Variants in WBP2NL observed in about 807,000 individuals in gnomAD.
WBP2NL encodes postacrosomal sheath WW domain-binding protein.
Under a neutral mutation model 23.3 loss-of-function variants are expected in WBP2NL, and 27 were observed. The ratio of observed to expected loss-of-function variants is 1.16; its 90% CI spans 0.85 to 1.60. The LOEUF (loss-of-function observed/expected upper bound fraction) is 1.60, where lower values mean the gene tolerates loss of function less well. Among genes scored for constraint, WBP2NL ranks in the 40% most tolerant of loss-of-function variants. The probability of loss-of-function intolerance (pLI) is 0.00; values close to 1 mark genes in which losing one functional copy is unlikely to be tolerated. For synonymous variants in WBP2NL, 151 were observed against 145.9 expected, an observed-to-expected ratio of 1.03 and a Z score of -0.25; for missense variants, 370 against 389.5, an observed-to-expected ratio of 0.95 and a Z score of 0.42.
downstream of WBP2NL, chr22:42,031,885 AG>A: frequency 6.6e-6 from 1 of 152,160 alleles, no homozygotes; most frequent in Middle Eastern, 3.4e-3. Context: ...TAGTGGAGAC[AG>A]GGTTTCACCA....
In WBP2NL at chr22:42,028,217, G is replaced by A. The variant is rs1324763719; in HGVS notation, c.*1036G>A. 1 of 396,974 alleles carries A rather than the reference G, an allele frequency of 2.5e-6. No homozygotes were observed. Among genetic ancestry groups the A allele is most frequent in the Non-Finnish European group, 4.4e-6 (1 of 225,484 alleles). The allele number at this position is 396,974 out of a possible 1,614,324, so 24.6% of individuals were successfully genotyped here. On this transcript the variant is annotated 3_prime_UTR_variant, in exon 6 of 6. Transcript: ENST00000328823. Reference sequence around the variant, plus strand: ...ACGTATGCAGAAATTTCTAAGACTTGTTGATAAGGAGAAAAGCAAGTTGTA... The same window carrying A: ...ACGTATGCAGAAATTTCTAAGACTTATTGATAAGGAGAAAAGCAAGTTGTA...
chr22:42,032,809 T>A (rs1333547161), downstream of WBP2NL: 1 of 435,326 alleles, frequency 2.3e-6, no homozygotes, highest in Non-Finnish European at 4.7e-6. Context: ...GGAAAGGGTC[T>A]ATACAGATGT....
rs186375821 is a variant in WBP2NL at position 42,004,982 on chromosome 22, G to A, written c.62+6102G>A. On this transcript the variant is annotated intron_variant, in intron 1 of 5. Coordinates refer to ENST00000328823, the MANE Select transcript of WBP2NL (RefSeq NM_152613.3). Reference sequence around the variant, plus strand: ...GCCTGTCATCCCAGCACTTTGGGAGGCCAAGGTGGGCAGATCACAAAGTCA... The same window carrying A: ...GCCTGTCATCCCAGCACTTTGGGAGACCAAGGTGGGCAGATCACAAAGTCA... Among the ~76,000 whole-genome samples, 517 of 151,916 alleles carry A rather than the reference G, an allele frequency of 3.4e-3. 2 individuals carry two copies. The highest frequency in any genetic ancestry group is 5.5e-3 in the Non-Finnish European group (374 of 67,962).
At chr22:42,047,269 CAAAAAA>C (rs140516534) in intron 8 of WBP2NL, among the ~76,000 whole-genome samples, 2 of 101,492 alleles carry the variant, frequency 2.0e-5, no homozygotes, top group Non-Finnish European at 2.0e-5. Flanking sequence ...TTTTCAAGCT[CAAAAAA>C]AAAAAAAAAA....
chr22:42,030,286 A>G (rs1319160112), downstream of WBP2NL, among the ~76,000 whole-genome samples: 4 of 152,262 alleles, frequency 2.6e-5, no homozygotes, highest in Non-Finnish European at 5.9e-5. Flanking sequence ...AATGGACTTC[A>G]GGTATCTGGA....
chr22:42,037,245 T>G (rs1381376035), downstream of WBP2NL, among the ~76,000 whole-genome samples: 3 of 151,992 alleles, frequency 2.0e-5, no homozygotes, highest in African/African-American at 7.3e-5. Context: ...CTTGTCAAAG[T>G]AAGTTGTTCA....
intron 8 of WBP2NL, among the ~76,000 whole-genome samples, chr22:42,054,954 C>T (rs1384857713): frequency 2.6e-5 from 4 of 152,186 alleles, no homozygotes; most frequent in Admixed American, 2.6e-4. Flanking sequence ...AACTGTATGT[C>T]TATTGTTATA....
chr22:42,006,654 T>A (rs568732044), intron 1 of WBP2NL, among the ~76,000 whole-genome samples: 1 of 152,378 alleles, frequency 6.6e-6, no homozygotes, highest in Admixed American at 6.5e-5. Context: ...AGGGATGGAC[T>A]AAATGGCTTG....
intron 8 of WBP2NL, among the ~76,000 whole-genome samples, chr22:42,057,871 A>ATG (rs1926115025): frequency 9.3e-5 from 1 of 10,730 alleles, no homozygotes; most frequent in African/African-American, 4.3e-4. Context: ...GTGTGTATGT[A>ATG]TATATATATA....
chr22:42,028,087 T>G lies in WBP2NL; in HGVS notation c.*906T>G. On this transcript the variant is annotated 3_prime_UTR_variant, in exon 6 of 6. Coordinates refer to ENST00000328823, the MANE Select transcript of WBP2NL (RefSeq NM_152613.3). ...TTGCATGTGTGCACAAAGATGCATG[T>G]GGGAAGATTTCATTATATTCATTGT... The G allele has an allele frequency of 2.5e-6, 1 of 398,518 alleles. No individual in the cohort carries two copies. Among genetic ancestry groups the G allele is most frequent in the Non-Finnish European group, 4.4e-6 (1 of 226,012 alleles). 24.7% of individuals were successfully genotyped at this position (398,518 alleles called of 1,614,324 possible).
chr22:42,012,571 A>G (rs1297115373), intron 1 of WBP2NL, among the ~76,000 whole-genome samples: 3 of 152,206 alleles, frequency 2.0e-5, no homozygotes, highest in African/African-American at 7.2e-5. Flanking sequence ...ATTATAAAAT[A>G]TAGCGTTTCT....
intron 8 of WBP2NL, among the ~76,000 whole-genome samples, chr22:42,043,358 A>C (rs1811027314): frequency 6.6e-6 from 1 of 152,214 alleles, no homozygotes; most frequent in Admixed American, 6.5e-5. Flanking sequence ...GGACTGGAAC[A>C]AGTTGTTGGT....
intron 8 of WBP2NL, among the ~76,000 whole-genome samples, chr22:42,050,118 C>G (rs893517056): frequency 6.6e-6 from 1 of 151,870 alleles, no homozygotes; most frequent in African/African-American, 2.4e-5. Flanking sequence ...CAGTTTAAGA[C>G]CAGTCTGGGC....
downstream of WBP2NL, among the ~76,000 whole-genome samples, chr22:42,029,609 C>A (rs943141309): frequency 6.6e-6 from 1 of 152,166 alleles, no homozygotes; most frequent in African/African-American, 2.4e-5. Context: ...TGGCCTCAAG[C>A]AATCCTCCTG....
chr22:42,056,257 A>C (rs915959688), intron 8 of WBP2NL, among the ~76,000 whole-genome samples: 2 of 145,500 alleles, frequency 1.4e-5, no homozygotes, highest in African/African-American at 5.0e-5. Flanking sequence ...ATTAATACTA[A>C]TTCATGCCAC....
chr22:42,010,310 C>A (rs915636108), intron 1 of WBP2NL, among the ~76,000 whole-genome samples: 3 of 151,866 alleles, frequency 2.0e-5, no homozygotes, highest in Admixed American at 6.6e-5. Context: ...TATTTTTTGC[C>A]TAATTGCTCT....
intron 5 of WBP2NL, among the ~76,000 whole-genome samples, chr22:42,023,574 C>T (rs1205196577): frequency 6.6e-6 from 1 of 152,056 alleles, no homozygotes; most frequent in Non-Finnish European, 1.5e-5. Flanking sequence ...GCGATGCAAG[C>T]TCCACCTCCC....
chr22:42,002,721 T>C (rs1366102938), intron 1 of WBP2NL: 1 of 152,226 alleles, frequency 6.6e-6, no homozygotes, highest in Non-Finnish European at 1.5e-5. Context: ...GATTTGGATT[T>C]GAACTTAGGT....
At chr22:42,049,695 C>CAAAAAAAAAAAAA (rs1569455101) in intron 8 of WBP2NL, among the ~76,000 whole-genome samples, 1 of 22,878 alleles carries the variant, frequency 4.4e-5, no homozygotes, top group Non-Finnish European at 7.4e-5. Flanking sequence ...GTCTCCAAAA[C>CAAAAAAAAAAAAA]AAAACAAAAC....
Sources: allele counts gnomAD v4.1 joint callset (sites outside exome capture counted in the v4.1 genomes callset), GRCh38; gene constraint gnomAD v4.1.1; transcripts MANE v1.5; gene names NCBI Gene and HGNC (gene_info 2026-07-23, HGNC 2026-07-21).